Variants in NOS1AP observed in about 807,000 individuals in gnomAD.
NOS1AP encodes the protein carboxyl-terminal PDZ ligand of neuronal nitric oxide synthase protein.
A neutral mutation model predicts 56.2 loss-of-function variants in NOS1AP; 21 were observed. The observed-to-expected ratio is 0.37, with a 90% CI of 0.26 to 0.54. The LOEUF is 0.54. Among genes scored for constraint, NOS1AP ranks in the 20% least tolerant of loss-of-function variants. The pLI, the probability that NOS1AP is intolerant of heterozygous loss-of-function variation, is 0.84. For synonymous variants in NOS1AP, 270 were observed against 274.6 expected (o/e 0.98, Z 0.17); for missense variants, 522 against 657.8 (o/e 0.79, Z 2.26).
At chr1:162,312,825 T>A (rs1379337951) in intron 4 of NOS1AP, among the ~76,000 whole-genome samples, 1 of 151,924 alleles carries the variant, frequency 6.6e-6, no homozygotes, top group Non-Finnish European at 1.5e-5. Context: ...GCTGGTTCAA[T>A]ATATGCAAAT....
intron 7 of NOS1AP, among the ~76,000 whole-genome samples, chr1:162,356,059 CT>C (rs1657695820): frequency 6.6e-6 from 1 of 152,226 alleles, no homozygotes; most frequent in South Asian, 2.1e-4. Flanking sequence ...ACCTCTCTCT[CT>C]TTAACATTCA....
chr1:162,174,787 T>C (rs1275581833), intron 2 of NOS1AP, among the ~76,000 whole-genome samples: 1 of 152,222 alleles, frequency 6.6e-6, no homozygotes, highest in Non-Finnish European at 1.5e-5. Context: ...TTTCCCTTAG[T>C]GTTCATTTTC....
chr1:162,080,624 A>T (rs1691864523), intron 1 of NOS1AP, among the ~76,000 whole-genome samples: 1 of 152,120 alleles, frequency 6.6e-6, no homozygotes, highest in African/African-American at 2.4e-5. Context: ...GAACATGAGA[A>T]GTGCTGTTTG....
chr1:162,142,932 T>A (rs891532507), intron 1 of NOS1AP, among the ~76,000 whole-genome samples: 6 of 152,204 alleles, frequency 3.9e-5, no homozygotes, highest in African/African-American at 1.4e-4. Flanking sequence ...GTGGGGAACA[T>A]GCCAGTTATC....
intron 2 of NOS1AP, among the ~76,000 whole-genome samples, chr1:162,245,281 C>G (rs988944513): frequency 1.3e-5 from 2 of 152,156 alleles, no homozygotes; most frequent in Admixed American, 6.5e-5. Flanking sequence ...TGAACAGATG[C>G]TGAGCATCAT....
intron 2 of NOS1AP, among the ~76,000 whole-genome samples, chr1:162,206,269 G>A (rs1002282801): frequency 2.0e-5 from 3 of 149,954 alleles, no homozygotes; most frequent in Non-Finnish European, 3.0e-5. Context: ...AAAAAAAAAA[G>A]TAGCAAAGTT....
At chr1:162,171,840 G>C (rs1160071631) in intron 2 of NOS1AP, among the ~76,000 whole-genome samples, 2 of 152,088 alleles carry the variant, frequency 1.3e-5, no homozygotes, top group African/African-American at 2.4e-5. Flanking sequence ...AGCTGTGCCA[G>C]CCTCTCTCCT....
intron 2 of NOS1AP, among the ~76,000 whole-genome samples, chr1:162,286,659 C>T (rs1311110358): frequency 6.6e-6 from 1 of 152,188 alleles, no homozygotes; most frequent in Non-Finnish European, 1.5e-5. Flanking sequence ...CTGTCTAGAA[C>T]TACAAATAAG....
chr1:162,260,457 C>T (rs1654170512), intron 2 of NOS1AP, among the ~76,000 whole-genome samples: 2 of 152,106 alleles, frequency 1.3e-5, no homozygotes, highest in African/African-American at 2.4e-5. Flanking sequence ...CAAGTAGGAG[C>T]TTTGTAACGC....
At chr1:162,233,332 G>A (rs956694314) in intron 2 of NOS1AP, among the ~76,000 whole-genome samples, 2 of 152,148 alleles carry the variant, frequency 1.3e-5, no homozygotes, top group African/African-American at 2.4e-5. Context: ...GGTGGCTGGC[G>A]GGGTAGTTGT....
intron 2 of NOS1AP, among the ~76,000 whole-genome samples, chr1:162,226,686 T>G (rs1223427407): frequency 6.6e-6 from 1 of 152,220 alleles, no homozygotes; most frequent in African/African-American, 2.4e-5. Flanking sequence ...TCTGAATATT[T>G]ACTTTCACCT....
rs372804116 is a variant in NOS1AP at position 162,330,382 on chromosome 1, T to C, written c.345-2635T>C. On this transcript the variant is annotated intron_variant, in intron 4 of 9. Transcript: ENST00000361897. ...TCAAGGAGCACATGTAAAAACATCA[T>C]AGTGTGAGATATGTGCTGTGGCAAC... 7.1e-4 allele frequency among the ~76,000 whole-genome samples: 108 copies of C among 152,212 alleles called. 1 individual carries two copies. The South Asian group carries it at 0.022, about 30-fold the overall frequency.
intron 1 of NOS1AP, among the ~76,000 whole-genome samples, chr1:162,092,342 A>T (rs1558094739): frequency 6.6e-6 from 1 of 152,184 alleles, no homozygotes; most frequent in Non-Finnish European, 1.5e-5. Flanking sequence ...ACAGAGGAGG[A>T]TTTCATCAGC....
At chr1:162,108,978 C>T (rs866592413) in intron 1 of NOS1AP, among the ~76,000 whole-genome samples, 5 of 152,256 alleles carry the variant, frequency 3.3e-5, no homozygotes, top group South Asian at 2.1e-4. Context: ...ACATGGCTGG[C>T]GAGGCTTCAG....
intron 4 of NOS1AP, among the ~76,000 whole-genome samples, chr1:162,313,979 C>T (rs1656145059): frequency 6.6e-6 from 1 of 152,170 alleles, no homozygotes; most frequent in Admixed American, 6.5e-5. Flanking sequence ...TTTACTGTTG[C>T]ATCCCAAGTG....
intron 1 of NOS1AP, among the ~76,000 whole-genome samples, chr1:162,086,400 T>A (rs1461996833): frequency 6.6e-6 from 1 of 152,304 alleles, no homozygotes; most frequent in South Asian, 2.1e-4. Flanking sequence ...TTATCCACTG[T>A]ATATCTGTTA....
intron 2 of NOS1AP, among the ~76,000 whole-genome samples, chr1:162,200,450 T>C (rs547114963): frequency 2.0e-4 from 31 of 152,272 alleles, no homozygotes; most frequent in Middle Eastern, 3.4e-3. Context: ...CTTCCCTGGG[T>C]CCATGAAAAT....
intron 4 of NOS1AP, among the ~76,000 whole-genome samples, chr1:162,320,715 G>C (rs570807063): frequency 1.3e-5 from 2 of 152,100 alleles, no homozygotes; most frequent in African/African-American, 4.8e-5. Flanking sequence ...TTAGCTGAGC[G>C]TGGTGGCGCG....
At chr1:162,196,201 A>G (rs753550799) in intron 2 of NOS1AP, among the ~76,000 whole-genome samples, 1 of 152,186 alleles carries the variant, frequency 6.6e-6, no homozygotes, top group Admixed American at 6.5e-5. Flanking sequence ...AAAATGTGGT[A>G]AAATGGAAAT....
Sources: gnomAD v4.1 joint callset for allele counts (sites outside exome capture counted in the v4.1 genomes callset) on GRCh38, gnomAD v4.1.1 for gene constraint, MANE v1.5 for transcripts, NCBI Gene and HGNC (gene_info 2026-07-23, HGNC 2026-07-21) for gene names.